The following SEMA3A variants were observed in gnomAD, a reference collection of about 807,000 sequenced individuals.
The protein encoded by SEMA3A is semaphorin 3A, also known as semaphorin-3A.
A neutral mutation model predicts 97.9 loss-of-function variants in SEMA3A; 29 were observed. That is an observed-to-expected ratio of 0.30 (90% CI 0.22 to 0.40). The LOEUF (loss-of-function observed/expected upper bound fraction) is 0.40, where lower values mean the gene tolerates loss of function less well. Among genes scored for constraint, SEMA3A ranks in the 10% least tolerant of loss-of-function variants. The pLI, the probability that SEMA3A is intolerant of heterozygous loss-of-function variation, is 1.00. For synonymous variants in SEMA3A, 321 were observed against 323.7 expected (o/e 0.99, Z 0.09); for missense variants, 763 against 951.3 (o/e 0.80, Z 2.60).
At chr7:84,316,163 G>A (rs1286121487) in intron 2 of SEMA3A, among the ~76,000 whole-genome samples, 1 of 121,402 alleles carries the variant, frequency 8.2e-6, no homozygotes, top group African/African-American at 3.0e-5. Flanking sequence ...AAAAAAAAGT[G>A]CTCCCTGTTT....
intron 2 of SEMA3A, among the ~76,000 whole-genome samples, chr7:84,347,992 T>C (rs1294684438): frequency 3.9e-5 from 6 of 152,308 alleles, no homozygotes; most frequent in Non-Finnish European, 5.9e-5. Flanking sequence ...AATTTTATTG[T>C]ATGTTTAAAA....
chr7:84,061,027 T>TA (rs1352184114), intron 4 of SEMA3A, among the ~76,000 whole-genome samples: 1 of 152,204 alleles, frequency 6.6e-6, no homozygotes, highest in East Asian at 1.9e-4. Flanking sequence ...GAAGACATGT[T>TA]AAATAGCCAT....
intron 1 of SEMA3A, among the ~76,000 whole-genome samples, chr7:84,375,377 G>A (rs1803073174): frequency 6.6e-6 from 1 of 152,086 alleles, no homozygotes; most frequent in African/African-American, 2.4e-5. Context: ...TCCATTCATT[G>A]TTCACGTATG....
chr7:84,404,259 G>A (rs547222738), intron 1 of SEMA3A, among the ~76,000 whole-genome samples: 1 of 152,116 alleles, frequency 6.6e-6, no homozygotes, highest in African/African-American at 2.4e-5. Flanking sequence ...ACAAGCCTCA[G>A]TAACCAATGC....
chr7:84,080,994 A>T (rs1041856422), intron 4 of SEMA3A, among the ~76,000 whole-genome samples: 3 of 149,560 alleles, frequency 2.0e-5, no homozygotes, highest in African/African-American at 7.3e-5. Context: ...ATTAATTACT[A>T]TAACCTATGA....
intron 3 of SEMA3A, among the ~76,000 whole-genome samples, chr7:84,213,827 G>A (rs1798685417): frequency 6.6e-6 from 1 of 151,732 alleles, no homozygotes; most frequent in Non-Finnish European, 1.5e-5. Context: ...ACAAAATTTT[G>A]AGCCTAGTAC....
chr7:84,181,376 G>A (rs1200709292), intron 1 of SEMA3A, among the ~76,000 whole-genome samples: 1 of 148,530 alleles, frequency 6.7e-6, no homozygotes, highest in African/African-American at 2.5e-5. Flanking sequence ...CTATATAACA[G>A]GAAAAAATTG....
chr7:83,988,456 C>G (rs1267324721), intron 12 of SEMA3A, among the ~76,000 whole-genome samples: 1 of 152,004 alleles, frequency 6.6e-6, no homozygotes, highest in African/African-American at 2.4e-5. Context: ...GTCTCGATCT[C>G]CCGACCTCGT....
At chr7:84,456,104 C>T (rs1805677089) in intron 1 of SEMA3A, among the ~76,000 whole-genome samples, 1 of 151,760 alleles carries the variant, frequency 6.6e-6, no homozygotes, top group Non-Finnish European at 1.5e-5. Context: ...GTAAGGATGT[C>T]TGAGATGATA....
intron 3 of SEMA3A, among the ~76,000 whole-genome samples, chr7:84,217,057 T>C (rs62477011): frequency 0.019 from 2,860 of 152,280 alleles, 43 homozygotes; most frequent in Non-Finnish European, 0.03. Context: ...TCACAAACTG[T>C]CACATGGAGC....
At chr7:83,990,455 G>C (rs1088371) in intron 12 of SEMA3A, among the ~76,000 whole-genome samples, 4 of 126,436 alleles carry the variant, frequency 3.2e-5, no homozygotes, top group African/African-American at 1.2e-4. Flanking sequence ...GTTTTAGGTC[G>C]AACGTTTAAG....
intron 1 of SEMA3A, among the ~76,000 whole-genome samples, chr7:84,448,774 A>G: frequency 6.6e-6 from 1 of 151,954 alleles, no homozygotes; most frequent in Non-Finnish European, 1.5e-5. Context: ...TTGTTTGAAA[A>G]TTCCATTTCC....
rs143397707 is a variant in SEMA3A at position 84,425,469 on chromosome 7, A to C, written c.-245-53569T>G. 6.0e-3 allele frequency among the ~76,000 whole-genome samples: 843 copies of C among 140,680 alleles called. 9 individuals are homozygous for C. The highest frequency in any genetic ancestry group is 0.02 in the African/African-American group (784 of 38,878). 92.3% of individuals were successfully genotyped at this position (140,680 alleles called of 152,430 possible). A position where few individuals can be genotyped will look rare whatever the true frequency, so the allele number is the denominator to read the frequency against. ...TATTTATATGCATATAAATATATAC[A>C]TATATTTATATAAAAATATAATTAT... On this transcript the variant is annotated intron_variant, in intron 1 of 3. Coordinates refer to the SEMA3A transcript ENST00000424555.
intron 2 of SEMA3A, among the ~76,000 whole-genome samples, chr7:84,352,611 A>G (rs568657498): frequency 9.5e-4 from 144 of 151,966 alleles, no homozygotes; most frequent in South Asian, 6.8e-3. Context: ...GCAATAAACT[A>G]TTTGCCCATA....
intron 3 of SEMA3A, among the ~76,000 whole-genome samples, chr7:84,233,707 G>A (rs891774410): frequency 2.6e-5 from 4 of 151,938 alleles, no homozygotes; most frequent in African/African-American, 9.7e-5. Flanking sequence ...ATTGTTAACT[G>A]AGTAGATTCT....
At chr7:84,083,881 G>T (rs7801235) in intron 4 of SEMA3A, among the ~76,000 whole-genome samples, 61,890 of 151,784 alleles carry the variant, frequency 0.41, 14,431 homozygotes, top group Non-Finnish European at 0.51. Context: ...CTCTTTCCGT[G>T]ATAACCTCTG....
intron 4 of SEMA3A, among the ~76,000 whole-genome samples, chr7:84,063,639 C>T (rs374390436): frequency 1.3e-5 from 2 of 151,138 alleles, no homozygotes; most frequent in African/African-American, 2.4e-5. Context: ...CCTCAGGAGA[C>T]GATGCGATCA....
chr7:84,029,306 G>A (rs1001988078), intron 6 of SEMA3A, among the ~76,000 whole-genome samples: 4 of 152,114 alleles, frequency 2.6e-5, no homozygotes, highest in African/African-American at 9.7e-5. Flanking sequence ...ATAATTATGT[G>A]CCTTTAAAAA....
In SEMA3A at chr7:84,137,161, T is replaced by TA. The variant is rs985710157; in HGVS notation, c.113-2211dup. The stretch of plus-strand genomic sequence containing the variant: ...CATGCCTGTAATCTCAGCACTTTGG[T>TA]AGTCCAAGGCGGGTGGATCACGAGG... On this transcript the variant is annotated intron_variant, in intron 1 of 16. Coordinates refer to ENST00000265362, the MANE Select transcript of SEMA3A (RefSeq NM_006080.3). 1.4e-4 allele frequency among the ~76,000 whole-genome samples: 22 copies of TA among 152,050 alleles called. 1 individual carries two copies. Among genetic ancestry groups the TA allele is most frequent in the Admixed American group, 1.4e-3 (21 of 15,252 alleles).
Sources: gnomAD v4.1 joint callset for allele counts (sites outside exome capture counted in the v4.1 genomes callset) on GRCh38, gnomAD v4.1.1 for gene constraint, MANE v1.5 for transcripts, NCBI Gene and HGNC (gene_info 2026-07-23, HGNC 2026-07-21) for gene names.